Variants in BRINP3 observed in about 807,000 individuals in gnomAD.
BRINP3 encodes BMP/retinoic acid-inducible neural-specific protein 3.
In BRINP3, 19 loss-of-function variants were observed where a neutral mutation model predicts 71.0. The ratio of observed to expected loss-of-function variants is 0.27; its 90% CI spans 0.19 to 0.39. The LOEUF is 0.39. Among genes scored for constraint, BRINP3 ranks in the 10% least tolerant of loss-of-function variants. The pLI is 1.00. For synonymous variants in BRINP3, 380 were observed against 337.7 expected (o/e 1.13, Z -1.37); for missense variants, 959 against 940.8 (o/e 1.02, Z -0.25).
In BRINP3 at chr1:190,322,644, C is replaced by A. The variant is rs547460337; in HGVS notation, c.237-40894G>T. On this transcript the variant is annotated intron_variant, in intron 2 of 7. Coordinates refer to ENST00000367462, the MANE Select transcript of BRINP3 (RefSeq NM_199051.3). ...GAGGACCAGAAATGGTTTGACAAAC[C>A]CTTGCCAAAGCCAACATGTCAATCT... 8.5e-5 allele frequency among the ~76,000 whole-genome samples: 13 copies of A among 152,048 alleles called. No individual in the cohort carries two copies. In the East Asian group the frequency reaches 2.3e-3, roughly 27 times the overall value.
chr1:190,317,853 T>C (rs922040424), intron 2 of BRINP3, among the ~76,000 whole-genome samples: 1 of 152,118 alleles, frequency 6.6e-6, no homozygotes, highest in African/African-American at 2.4e-5. Flanking sequence ...ATCCATGTTA[T>C]GCACTCTAGC....
chr1:190,174,292 T>A (rs1169428232), intron 6 of BRINP3, among the ~76,000 whole-genome samples: 3 of 152,138 alleles, frequency 2.0e-5, no homozygotes, highest in East Asian at 3.9e-4. Context: ...CTCTGCCTCG[T>A]CATTAATGTG....
intron 2 of BRINP3, among the ~76,000 whole-genome samples, chr1:190,335,301 A>G (rs190178620): frequency 1.3e-5 from 2 of 151,988 alleles, no homozygotes; most frequent in African/African-American, 2.4e-5. Context: ...TCAGTCACTT[A>G]CCCGATAGAG....
intron 4 of BRINP3, among the ~76,000 whole-genome samples, chr1:190,240,556 T>C (rs994378158): frequency 1.3e-5 from 2 of 151,890 alleles, no homozygotes; most frequent in African/African-American, 4.8e-5. Context: ...GATAGATATA[T>C]GAAGAATTAG....
At chr1:190,299,257 C>A (rs1442675130) in intron 2 of BRINP3, among the ~76,000 whole-genome samples, 1 of 151,906 alleles carries the variant, frequency 6.6e-6, no homozygotes, top group Non-Finnish European at 1.5e-5. Context: ...ATCTATTCCA[C>A]CAATGTCTGT....
At chr1:190,161,620 C>A (rs1414100476) in intron 6 of BRINP3, among the ~76,000 whole-genome samples, 2 of 151,692 alleles carry the variant, frequency 1.3e-5, no homozygotes, top group African/African-American at 4.8e-5. Flanking sequence ...CTCGTTTAAC[C>A]AACATTAGGA....
At chr1:190,142,214 T>G (rs6674612) in intron 7 of BRINP3, among the ~76,000 whole-genome samples, 1,707 of 152,242 alleles carry the variant, frequency 0.011, 37 homozygotes, top group African/African-American at 0.039. Context: ...TCAGAATATG[T>G]AAATAATTAT....
At chr1:190,154,186 C>G (rs942522080) in intron 7 of BRINP3, 1 of 377,772 alleles carries the variant, frequency 2.6e-6, no homozygotes, top group Admixed American at 6.5e-5. Context: ...ATGCATTCCT[C>G]CCATTTATAT....
intron 2 of BRINP3, among the ~76,000 whole-genome samples, chr1:190,289,508 A>C (rs1319134651): frequency 6.6e-6 from 1 of 151,956 alleles, no homozygotes; most frequent in Non-Finnish European, 1.5e-5. Flanking sequence ...TTAAGTTTAC[A>C]AGGTATAAAT....
chr1:190,273,646 T>C (rs764087996), intron 3 of BRINP3, among the ~76,000 whole-genome samples: 2 of 151,562 alleles, frequency 1.3e-5, no homozygotes, highest in Non-Finnish European at 1.5e-5. Flanking sequence ...TTATAAGATA[T>C]GGCCCTTAAA....
chr1:190,367,095 C>T (rs79191198), intron 2 of BRINP3, among the ~76,000 whole-genome samples: 3,666 of 152,238 alleles, frequency 0.024, 73 homozygotes, highest in Non-Finnish European at 0.036. Flanking sequence ...GGACTCTGTG[C>T]GGGGGCTCCA....
At chr1:190,283,427 T>C (rs1663188956) in intron 2 of BRINP3, among the ~76,000 whole-genome samples, 1 of 151,880 alleles carries the variant, frequency 6.6e-6, no homozygotes, top group Non-Finnish European at 1.5e-5. Context: ...TGCTATATTG[T>C]CTTTCAGATC....
intron 2 of BRINP3, among the ~76,000 whole-genome samples, chr1:190,424,151 G>C (rs1673553681): frequency 6.6e-6 from 1 of 151,396 alleles, no homozygotes; most frequent in Non-Finnish European, 1.5e-5. Context: ...TAATTCTCCT[G>C]CCTCTTTCTA....
intron 2 of BRINP3, among the ~76,000 whole-genome samples, chr1:190,404,659 C>T (rs1212183758): frequency 1.3e-5 from 2 of 152,050 alleles, no homozygotes; most frequent in African/African-American, 2.4e-5. Context: ...GTCATTTGGC[C>T]CTTCAAAACC....
chr1:190,464,674 T>G (rs1280690330), intron 1 of BRINP3, among the ~76,000 whole-genome samples: 1 of 152,022 alleles, frequency 6.6e-6, no homozygotes, highest in Non-Finnish European at 1.5e-5. Flanking sequence ...ATTAATGTGC[T>G]AGCAATGCAT....
chr1:190,172,099 C>T (rs989645751), intron 6 of BRINP3, among the ~76,000 whole-genome samples: 2 of 149,638 alleles, frequency 1.3e-5, no homozygotes, highest in Non-Finnish European at 3.0e-5. Context: ...GATCTTATAT[C>T]AAAAATAAAT....
intron 4 of BRINP3, among the ~76,000 whole-genome samples, chr1:190,257,033 T>G (rs889549247): frequency 9.2e-5 from 14 of 152,174 alleles, no homozygotes; most frequent in Non-Finnish European, 1.9e-4. Flanking sequence ...AATGTTGGCC[T>G]GACTTGCTAG....
intron 6 of BRINP3, among the ~76,000 whole-genome samples, chr1:190,198,909 C>T (rs957267209): frequency 1.3e-5 from 2 of 152,192 alleles, no homozygotes; most frequent in African/African-American, 4.8e-5. Flanking sequence ...CAGCACCCTA[C>T]TCTTAGCACC....
chr1:190,128,831 A>G (rs1329440190), intron 7 of BRINP3, among the ~76,000 whole-genome samples: 1 of 151,810 alleles, frequency 6.6e-6, no homozygotes, highest in Non-Finnish European at 1.5e-5. Flanking sequence ...TATCTTAAAT[A>G]TAGCTAATGC....
Sources: gnomAD v4.1 joint callset for allele counts (sites outside exome capture counted in the v4.1 genomes callset) on GRCh38, gnomAD v4.1.1 for gene constraint, MANE v1.5 for transcripts, NCBI Gene and HGNC (gene_info 2026-07-23, HGNC 2026-07-21) for gene names.